TMPRSS11F: variants seen among roughly 807,000 people sequenced by gnomAD.
The protein encoded by TMPRSS11F is transmembrane serine protease 11F, also known as transmembrane protease serine 11F.
TMPRSS11F carries 47 observed loss-of-function variants against 60.2 expected under a neutral mutation model. That is an observed-to-expected ratio of 0.78 (90% CI 0.62 to 1.00). The LOEUF (loss-of-function observed/expected upper bound fraction) is 1.00. TMPRSS11F is among the 50% of genes least tolerant of loss of function. The pLI is 0.00. For synonymous variants in TMPRSS11F, 166 were observed against 167.3 expected, an observed-to-expected ratio of 0.99 and a Z score of 0.06; for missense variants, 519 against 522.9, an observed-to-expected ratio of 0.99 and a Z score of 0.07.
chr4:68,102,943 T>A (rs1021317385), intron 1 of TMPRSS11F, among the ~76,000 whole-genome samples: 2 of 151,906 alleles, frequency 1.3e-5, no homozygotes, highest in African/African-American at 4.8e-5. Context: ...AGTTTTGTAG[T>A]TTCTGGTCTT....
At chr4:68,056,112 C>G (rs954148671) in intron 9 of TMPRSS11F, among the ~76,000 whole-genome samples, 1 of 151,972 alleles carries the variant, frequency 6.6e-6, no homozygotes, top group African/African-American at 2.4e-5. Context: ...TCCTGTAAGA[C>G]CAGGGACATC....
intron 1 of TMPRSS11F, among the ~76,000 whole-genome samples, chr4:68,127,181 G>GT (rs1159335662): frequency 2.6e-5 from 4 of 152,118 alleles, no homozygotes; most frequent in African/African-American, 4.8e-5. Flanking sequence ...ATTTGTGAGT[G>GT]TATCTCAAGT....
intron 2 of TMPRSS11F, among the ~76,000 whole-genome samples, chr4:68,094,473 G>A (rs1337680095): frequency 8.3e-5 from 12 of 145,122 alleles, no homozygotes; most frequent in South Asian, 2.2e-4. Context: ...TGGGTGCAGC[G>A]CACCAGCATG....
chr4:68,106,986 G>A (rs1401974954), intron 1 of TMPRSS11F, among the ~76,000 whole-genome samples: 2 of 152,046 alleles, frequency 1.3e-5, no homozygotes, highest in Non-Finnish European at 2.9e-5. Context: ...CTCATGCTAT[G>A]GTATCAGCAA....
intron 8 of TMPRSS11F, among the ~76,000 whole-genome samples, chr4:68,061,619 T>C (rs1395760870): frequency 1.3e-5 from 2 of 152,206 alleles, no homozygotes; most frequent in African/African-American, 4.8e-5. Context: ...GAATCGTTTT[T>C]CATTTTCTAC....
intron 1 of TMPRSS11F, among the ~76,000 whole-genome samples, chr4:68,114,990 TAAAAAAAAAAA>T (rs56946635): frequency 2.6e-5 from 3 of 114,402 alleles, no homozygotes; most frequent in African/African-American, 1.0e-4. Context: ...ATTCATTATT[TAAAAAAAAAAA>T]AAAAAAAAAA....
chr4:68,077,080 A>C (rs1723600011), intron 3 of TMPRSS11F, among the ~76,000 whole-genome samples: 1 of 152,178 alleles, frequency 6.6e-6, no homozygotes, highest in Non-Finnish European at 1.5e-5. Flanking sequence ...CAGTTCACAG[A>C]TGATGATGCC....
At chr4:68,063,092 TG>T (rs751888631) in intron 8 of TMPRSS11F, 3 of 644,276 alleles carry the variant, frequency 4.7e-6, no homozygotes, top group South Asian at 2.7e-5. Flanking sequence ...AACCAAGATC[TG>T]GAAGCCCTCC....
At chr4:68,078,211 AT>A (rs1723624424) in intron 3 of TMPRSS11F, among the ~76,000 whole-genome samples, 1 of 152,128 alleles carries the variant, frequency 6.6e-6, no homozygotes, top group South Asian at 2.1e-4. Context: ...TACTGATTTA[AT>A]TGCCTTTCCT....
At chr4:68,109,185 G>GTT (rs1179021642) in intron 1 of TMPRSS11F, among the ~76,000 whole-genome samples, 2 of 152,058 alleles carry the variant, frequency 1.3e-5, no homozygotes, top group African/African-American at 4.8e-5. Flanking sequence ...TTCTAATTGA[G>GTT]CACCTACTAT....
At chr4:68,064,339 C>T (rs1178323649) in intron 8 of TMPRSS11F, among the ~76,000 whole-genome samples, 1 of 152,020 alleles carries the variant, frequency 6.6e-6, no homozygotes, top group East Asian at 1.9e-4. Context: ...TGCACACCAC[C>T]ATGCCCAGCT....
chr4:68,088,575 A>C (rs1723862206), intron 3 of TMPRSS11F, among the ~76,000 whole-genome samples: 1 of 152,074 alleles, frequency 6.6e-6, no homozygotes, highest in Admixed American at 6.6e-5. Context: ...TCCATCCCAA[A>C]TCAACAGAAT....
chr4:68,079,830 T>C (rs1012044715), intron 3 of TMPRSS11F, among the ~76,000 whole-genome samples: 1 of 152,114 alleles, frequency 6.6e-6, no homozygotes, highest in Non-Finnish European at 1.5e-5. Flanking sequence ...AAAAACAAAA[T>C]AACATATTTG....
chr4:68,075,453 C>A (rs75427764), intron 3 of TMPRSS11F, among the ~76,000 whole-genome samples: 1 of 152,130 alleles, frequency 6.6e-6, no homozygotes, highest in African/African-American at 2.4e-5. Context: ...CCTTCATTGG[C>A]CCCTACTTTG....
rs1371674767 is a variant in TMPRSS11F, at chr4:68,056,993, G to C, written c.1158+2333C>G. On this transcript the variant is annotated intron_variant, in intron 9 of 9. Transcript: ENST00000356291. ...GAAAATTGGTTATCTATATCAGAAGGATAAAATTAGGCTGGGCGTGGTGGC... is the reference window on the plus strand; with the variant it reads ...GAAAATTGGTTATCTATATCAGAAGCATAAAATTAGGCTGGGCGTGGTGGC... 2.0e-5 allele frequency among the ~76,000 whole-genome samples: 3 copies of C among 152,218 alleles called. No homozygotes were observed. In the South Asian group the frequency reaches 6.2e-4, roughly 32 times the overall value.
At position 68,072,362 on chromosome 4, in the gene TMPRSS11F, A is replaced by G; in HGVS notation, c.475T>C (p.Leu159=). ...ALYQSLKTKQ[L]SLTINKPSFR... ...GATGGTTTGTTTATGGTCAAAGACA[A>G]TTGTTTGGTCTTCAAACTTTGATAT... The change falls in exon 5 of 10, where the codon TTG becomes CTG. Residue 159 remains leucine (L), a synonymous_variant. Coordinates refer to ENST00000356291, the MANE Select transcript of TMPRSS11F (RefSeq NM_207407.2). The G allele has an allele frequency of 6.2e-7, 1 of 1,604,474 alleles. No individual in the cohort carries two copies. The highest frequency in any genetic ancestry group is 8.5e-7 in the Non-Finnish European group (1 of 1,174,922).
intron 2 of TMPRSS11F, among the ~76,000 whole-genome samples, chr4:68,097,209 T>C (rs1241633087): frequency 6.6e-6 from 1 of 152,206 alleles, no homozygotes; most frequent in East Asian, 1.9e-4. Context: ...TACTGTAGGT[T>C]TGGTGACTTA....
chr4:68,098,350 A>G (rs1230015149), intron 2 of TMPRSS11F, among the ~76,000 whole-genome samples: 1 of 152,128 alleles, frequency 6.6e-6, no homozygotes, highest in South Asian at 2.1e-4. Context: ...AGGTAAATGA[A>G]TCTTAGTTGA....
chr4:68,099,964 C>T (rs1186625009), intron 1 of TMPRSS11F, among the ~76,000 whole-genome samples: 1 of 151,110 alleles, frequency 6.6e-6, no homozygotes. Context: ...GAGCACTAAA[C>T]TTTTTGAAGG....
Sources: allele counts gnomAD v4.1 joint callset (sites outside exome capture counted in the v4.1 genomes callset), GRCh38; gene constraint gnomAD v4.1.1; transcripts MANE v1.5; gene names NCBI Gene and HGNC (gene_info 2026-07-23, HGNC 2026-07-21).